The following SMOC1 variants were observed in gnomAD, a reference collection of about 807,000 sequenced individuals.
The protein encoded by SMOC1 is SPARC related modular calcium binding 1.
A neutral mutation model predicts 56.3 loss-of-function variants in SMOC1; 22 were observed. The ratio of observed to expected loss-of-function variants is 0.39; its 90% CI spans 0.28 to 0.56. The LOEUF (loss-of-function observed/expected upper bound fraction) is 0.56, where lower values mean the gene tolerates loss of function less well. Among genes scored for constraint, SMOC1 ranks in the 20% least tolerant of loss-of-function variants. SMOC1 has a pLI of 0.61. For missense variants in SMOC1, 509 were observed against 565.4 expected, an observed-to-expected ratio of 0.90 and a Z score of 1.01; for synonymous variants, 193 against 215.0, an observed-to-expected ratio of 0.90 and a Z score of 0.89.
chr14:69,917,266 T>G (rs1457722028), intron 1 of SMOC1, among the ~76,000 whole-genome samples: 1 of 152,208 alleles, frequency 6.6e-6, no homozygotes, highest in African/African-American at 2.4e-5. Context: ...ATAATTTTAT[T>G]TCAAAGTGGA....
chr14:69,912,591 G>A (rs1476791112), intron 1 of SMOC1, among the ~76,000 whole-genome samples: 2 of 152,176 alleles, frequency 1.3e-5, no homozygotes, highest in East Asian at 3.9e-4. Context: ...AGGAATTCCA[G>A]CTGTAGACTA....
At chr14:70,003,489 C>T (rs1885044119) in intron 7 of SMOC1, among the ~76,000 whole-genome samples, 1 of 152,152 alleles carries the variant, frequency 6.6e-6, no homozygotes, top group Non-Finnish European at 1.5e-5. Context: ...GTGGGCAGCC[C>T]CATCTCTGAA....
intron 1 of SMOC1, among the ~76,000 whole-genome samples, chr14:69,881,248 C>T (rs553602335): frequency 3.2e-4 from 49 of 152,262 alleles, no homozygotes; most frequent in Admixed American, 2.6e-4. Context: ...ACTCTGAGGT[C>T]AGGCGAGCCA....
intron 3 of SMOC1, among the ~76,000 whole-genome samples, chr14:69,954,139 T>C (rs1883106309): frequency 6.6e-6 from 1 of 152,216 alleles, no homozygotes; most frequent in South Asian, 2.1e-4. Flanking sequence ...GCTGACTGTG[T>C]TGATCTTGGC....
intron 3 of SMOC1, among the ~76,000 whole-genome samples, 174 bp downstream of exon 3, chr14:69,953,706 T>C (rs1883088615): frequency 6.6e-6 from 1 of 152,184 alleles, no homozygotes; most frequent in South Asian, 2.1e-4. Context: ...CGTCCCTCCA[T>C]GCCACCTCTT....
At chr14:70,010,991 T>C in intron 8 of SMOC1, 45 bp downstream of exon 8, 2 of 1,604,184 alleles carry the variant, frequency 1.2e-6, no homozygotes, top group Non-Finnish European at 1.7e-6. Context: ...ACCTGCTGGC[T>C]GTTATCCATG....
At chr14:69,915,643 C>T (rs1389709831) in intron 1 of SMOC1, among the ~76,000 whole-genome samples, 1 of 152,224 alleles carries the variant, frequency 6.6e-6, no homozygotes, top group Non-Finnish European at 1.5e-5. Flanking sequence ...AGGCTTGTGT[C>T]TCCATTACGT....
chr14:69,998,864 A>G (rs1884867944), intron 7 of SMOC1, among the ~76,000 whole-genome samples: 1 of 151,652 alleles, frequency 6.6e-6, no homozygotes, highest in South Asian at 2.1e-4. Flanking sequence ...GTTTTTTTCC[A>G]GTTAACTTCT....
intron 1 of SMOC1, among the ~76,000 whole-genome samples, chr14:69,916,002 A>G (rs1884676451): frequency 6.6e-6 from 1 of 152,196 alleles, no homozygotes; most frequent in Non-Finnish European, 1.5e-5. Flanking sequence ...CATATCTCAA[A>G]TCTATGTCTC....
In SMOC1 at chr14:69,975,943, A is replaced by T. The variant is rs1275910852; in HGVS notation, c.478+129A>T. On this transcript the variant is annotated intron_variant, in intron 4 of 11. Coordinates refer to ENST00000361956, the MANE Select transcript of SMOC1 (RefSeq NM_001034852.3). Reference sequence around the variant, plus strand: ...TGAACCTTTTTCTAGATCAGGGAGGATTCTACTCTAACATGCTTGCTCGGA... The same window carrying T: ...TGAACCTTTTTCTAGATCAGGGAGGTTTCTACTCTAACATGCTTGCTCGGA... 3 of 704,734 alleles carry T rather than the reference A, an allele frequency of 4.3e-6. No individual in the cohort carries two copies. In the African/African-American group the frequency reaches 5.2e-5, roughly 12 times the overall value. The allele number at this position is 704,734 out of a possible 1,614,324, so 43.7% of individuals were successfully genotyped here.
At chr14:69,979,384 G>A (rs1884094065) in intron 5 of SMOC1, among the ~76,000 whole-genome samples, 1 of 152,088 alleles carries the variant, frequency 6.6e-6, no homozygotes, top group Admixed American at 6.5e-5. Flanking sequence ...CTCTTTCCCT[G>A]GGCAAAAATG....
At chr14:69,967,888 G>A (rs193083564) in intron 3 of SMOC1, among the ~76,000 whole-genome samples, 10 of 152,232 alleles carry the variant, frequency 6.6e-5, no homozygotes, top group African/African-American at 1.9e-4. Flanking sequence ...AGATGTGTGC[G>A]ATAACCTATT....
intron 6 of SMOC1, chr14:69,994,164 A>G: frequency 3.4e-6 from 2 of 590,270 alleles, no homozygotes; most frequent in Non-Finnish European, 6.1e-6. Flanking sequence ...GTGCCTCTGC[A>G]TTCTGACCAC....
intron 1 of SMOC1, among the ~76,000 whole-genome samples, chr14:69,901,767 C>T (rs1884247366): frequency 1.3e-5 from 2 of 152,214 alleles, no homozygotes; most frequent in South Asian, 4.1e-4. Context: ...GCACACACCA[C>T]CCCGCTGGGA....
At chr14:69,980,714 C>T (rs1042430271) in intron 5 of SMOC1, among the ~76,000 whole-genome samples, 2 of 152,176 alleles carry the variant, frequency 1.3e-5, no homozygotes, top group African/African-American at 4.8e-5. Context: ...GGCCCCTTGT[C>T]TGAGCTTGTG....
chr14:69,896,650 T>C (rs576351057), intron 1 of SMOC1, among the ~76,000 whole-genome samples: 6 of 152,218 alleles, frequency 3.9e-5, no homozygotes, highest in Admixed American at 1.3e-4. Flanking sequence ...TGTTTATAAA[T>C]AAAGCTCATT....
chr14:69,913,455 C>CGT (rs71448304), intron 1 of SMOC1, among the ~76,000 whole-genome samples: 27,908 of 150,814 alleles, frequency 0.19, 2,731 homozygotes, highest in Middle Eastern at 0.31. Context: ...AATGAATTGG[C>CGT]GTGTGTGTGT....
chr14:69,943,385 A>C (rs527513623), intron 1 of SMOC1, among the ~76,000 whole-genome samples: 2 of 152,274 alleles, frequency 1.3e-5, no homozygotes, highest in South Asian at 4.1e-4. Context: ...TTCAGTGGTC[A>C]TGGGGTCAGG....
chr14:69,948,966 T>C (rs748718332), intron 1 of SMOC1, among the ~76,000 whole-genome samples: 1 of 152,126 alleles, frequency 6.6e-6, no homozygotes, highest in Non-Finnish European at 1.5e-5. Context: ...TGCCTTTCAT[T>C]ATAACAAACA....
Sources: allele counts gnomAD v4.1 joint callset (sites outside exome capture counted in the v4.1 genomes callset), GRCh38; gene constraint gnomAD v4.1.1; transcripts MANE v1.5; gene names NCBI Gene and HGNC (gene_info 2026-07-23, HGNC 2026-07-21).